PHLDB2: variants seen among roughly 807,000 people sequenced by gnomAD.
PHLDB2 encodes the protein pleckstrin homology like domain family B member 2.
PHLDB2 carries 71 observed loss-of-function variants against 123.6 expected under a neutral mutation model. The observed-to-expected ratio is 0.57, with a 90% CI of 0.47 to 0.70. The LOEUF (loss-of-function observed/expected upper bound fraction) is 0.70. Ranked by LOEUF, PHLDB2 falls within the 30% of genes least tolerant of loss-of-function variation. PHLDB2 has a pLI of 0.00. For missense variants in PHLDB2, 1,446 were observed against 1,519.5 expected (o/e 0.95, Z 0.80); for synonymous variants, 547 against 541.6 (o/e 1.01, Z -0.14).
intron 6 of PHLDB2, among the ~76,000 whole-genome samples, chr3:111,938,546 T>C (rs1318135950): frequency 6.6e-6 from 1 of 152,130 alleles, no homozygotes; most frequent in Admixed American, 6.5e-5. Flanking sequence ...ATGCTACTTG[T>C]GTATACATTA....
rs762433094 is a variant in PHLDB2 at position 111,945,255 on chromosome 3, T to C, written c.2398-13T>C. ...GTTGACTTTTAAGTTTAATAGGTTT[T>C]GTATTCCTTCAGGAAAAGGAGAATC... On this transcript the variant is annotated splice_polypyrimidine_tract_variant and intron_variant, in intron 8 of 17. Transcript: ENST00000431670. 42 of 1,576,830 alleles carry C rather than the reference T, an allele frequency of 2.7e-5. No homozygotes were observed. In the South Asian group the frequency reaches 4.5e-4, roughly 17 times the overall value.
In PHLDB2 at chr3:111,955,074, C is replaced by A; in HGVS notation, c.2872+1045C>A. ...CACACACACGCACATATATGTAATA[C>A]ATATATGCTACATATACATACATAA... is the stretch of plus-strand genomic sequence containing the variant. On this transcript the variant is annotated intron_variant, in intron 12 of 17. Transcript: ENST00000431670. Among the ~76,000 whole-genome samples, 2 of 150,558 alleles carry A rather than the reference C, an allele frequency of 1.3e-5. 1 individual carries two copies. The highest frequency in any genetic ancestry group is 3.9e-4 in the East Asian group (2 of 5,154).
Position 111,853,095 on chromosome 3 carries a change from T to C in PHLDB2, c.67+7160T>C, listed in dbSNP as rs567069785. Among the ~76,000 whole-genome samples the C allele has an allele frequency of 3.4e-4, 52 of 152,278 alleles. 1 individual carries two copies. Among genetic ancestry groups the C allele is most frequent in the African/African-American group, 1.1e-3 (44 of 41,570 alleles). On this transcript the variant is annotated intron_variant, in intron 2 of 17. Transcript: ENST00000393923. ...TTTGATTAATATGTTATTTATACTT[T>C]ATCTATTTAAATATATATTAGAGAA...
chr3:111,827,603 G>A (rs1178852659), intron 1 of PHLDB2, among the ~76,000 whole-genome samples: 1 of 150,992 alleles, frequency 6.6e-6, no homozygotes. Flanking sequence ...CAACCCGGGA[G>A]GCGGAGCTTG....
intron 2 of PHLDB2, among the ~76,000 whole-genome samples, chr3:111,894,431 T>C (rs2066699539): frequency 6.6e-6 from 1 of 151,872 alleles, no homozygotes; most frequent in Admixed American, 6.6e-5. Flanking sequence ...TACCCAGTAA[T>C]GGGATGGCTG....
Position 111,884,283 on chromosome 3 carries a change from A to G in PHLDB2, c.206A>G (p.Lys69Arg), listed in dbSNP as rs768215877. Residue 69 changes from lysine (K) to arginine (R), a missense_variant, in exon 2 of 18, where the codon AAG becomes AGG. This residue lies in a region of PHLDB2 where 832 missense variants were observed against 831.9 expected (regional missense o/e 1.00). Coordinates refer to ENST00000431670, the MANE Select transcript of PHLDB2 (RefSeq NM_001134438.2). ...YLTLSQPVPA[K>R]RSPSPLGTSV... is the part of the protein sequence containing the mutation. ...ACCCTCTCACAACCTGTGCCTGCAA[A>G]GAGAAGCCCTTCTCCTTTGGGAACC... 1 of 1,614,212 alleles carries G rather than the reference A, an allele frequency of 6.2e-7. No homozygotes were observed. The highest frequency in any genetic ancestry group is 1.1e-5 in the South Asian group (1 of 91,084).
intron 1 of PHLDB2, among the ~76,000 whole-genome samples, chr3:111,878,277 A>G (rs966373637): frequency 6.6e-6 from 1 of 152,120 alleles, no homozygotes; most frequent in Non-Finnish European, 1.5e-5. Flanking sequence ...CATCCCTTGT[A>G]AGTTGGATTC....
intron 1 of PHLDB2, among the ~76,000 whole-genome samples, chr3:111,834,184 TTATATATGTAATAG>T (rs1559858111): frequency 1.6e-4 from 17 of 105,972 alleles, no homozygotes; most frequent in South Asian, 5.9e-4. Flanking sequence ...ATTATATATA[TTATATATGTAATAG>T]AATTATATAT....
intron 1 of PHLDB2, among the ~76,000 whole-genome samples, chr3:111,824,982 T>C (rs1029856500): frequency 2.6e-5 from 4 of 152,236 alleles, no homozygotes; most frequent in African/African-American, 9.6e-5. Flanking sequence ...TATCTCTTAA[T>C]GGCCTCATCT....
At chr3:111,794,356 C>G (rs1391702880) in intron 1 of PHLDB2, among the ~76,000 whole-genome samples, 1 of 152,182 alleles carries the variant, frequency 6.6e-6, no homozygotes, top group African/African-American at 2.4e-5. Context: ...GGCCATGTGG[C>G]TGCCGCTGCG....
intron 2 of PHLDB2, among the ~76,000 whole-genome samples, chr3:111,893,233 C>CTT (rs77407830): frequency 2.1e-5 from 3 of 142,170 alleles, no homozygotes; most frequent in Non-Finnish European, 1.5e-5. Flanking sequence ...TAGTATTAAT[C>CTT]TTTTTTTTTT....
At chr3:111,867,133 A>G (rs966156404) in intron 1 of PHLDB2, among the ~76,000 whole-genome samples, 1 of 152,102 alleles carries the variant, frequency 6.6e-6, no homozygotes, top group Non-Finnish European at 1.5e-5. Context: ...TGTTATCTTG[A>G]AAATGTATTT....
At chr3:111,882,632 G>A (rs1201529614) in intron 1 of PHLDB2, among the ~76,000 whole-genome samples, 1 of 152,206 alleles carries the variant, frequency 6.6e-6, no homozygotes, top group African/African-American at 2.4e-5. Context: ...GGTTAGAGGA[G>A]AAGGAGCCCA....
At chr3:111,874,666 T>C (rs1320547710) in intron 1 of PHLDB2, among the ~76,000 whole-genome samples, 1 of 152,148 alleles carries the variant, frequency 6.6e-6, no homozygotes, top group Non-Finnish European at 1.5e-5. Context: ...TCATATTTCA[T>C]TGATCAAAGC....
At chr3:111,855,629 CTTT>C (rs11368889), upstream of PHLDB2, among the ~76,000 whole-genome samples, 46 of 79,838 alleles carry the variant, frequency 5.8e-4, no homozygotes, top group Non-Finnish European at 8.8e-4. Flanking sequence ...CTGCATTTGT[CTTT>C]TTTTTTTTTT....
intron 10 of PHLDB2, chr3:111,949,904 G>C (rs1224790305): frequency 1.0e-6 from 1 of 982,966 alleles, no homozygotes; most frequent in South Asian, 4.7e-5. Context: ...ATTAGGAACT[G>C]GAATTTAGAG....
chr3:111,895,264 A>G (rs562379823), intron 2 of PHLDB2, among the ~76,000 whole-genome samples: 6 of 152,298 alleles, frequency 3.9e-5, no homozygotes, highest in East Asian at 1.9e-4. Flanking sequence ...AGTACAAGCT[A>G]TTGCCTCTTG....
chr3:111,942,393 T>C lies in PHLDB2; in HGVS notation c.2397+1748T>C, dbSNP rs75476642. Among the ~76,000 whole-genome samples, 71 of 152,342 alleles carry C rather than the reference T, an allele frequency of 4.7e-4. No individual in the cohort carries two copies. In the East Asian group the frequency reaches 0.011, roughly 23 times the overall value. ...ATTCTATGTTTGTGATTATGTCTAC[T>C]TGCTAAAATGTATTTGTAACCTCTA... On this transcript the variant is annotated intron_variant, in intron 8 of 17. Coordinates refer to ENST00000431670, the MANE Select transcript of PHLDB2 (RefSeq NM_001134438.2).
chr3:111,821,505 A>G (rs2062379792), intron 1 of PHLDB2, among the ~76,000 whole-genome samples: 1 of 152,218 alleles, frequency 6.6e-6, no homozygotes, highest in Non-Finnish European at 1.5e-5. Flanking sequence ...GGCCAAAGGT[A>G]GTATGCTGAT....
Sources: allele counts gnomAD v4.1 joint callset (sites outside exome capture counted in the v4.1 genomes callset), GRCh38; gene constraint gnomAD v4.1.1; regional missense constraint gnomAD v4.1.1; transcripts MANE v1.5; gene names NCBI Gene and HGNC (gene_info 2026-07-23, HGNC 2026-07-21).